Variants in TMEM132C observed in about 807,000 individuals in gnomAD.
TMEM132C encodes the protein protein phosphatase 1, regulatory subunit 152.
Under a neutral mutation model 61.4 loss-of-function variants are expected in TMEM132C, and 29 were observed. The observed-to-expected ratio is 0.47, with a 90% confidence interval of 0.35 to 0.64. TMEM132C has a LOEUF of 0.64. TMEM132C is among the 30% of genes least tolerant of loss of function. TMEM132C has a pLI of 0.00. For synonymous variants in TMEM132C, 656 were observed against 633.1 expected (o/e 1.04, Z -0.54); for missense variants, 1,408 against 1,476.9 (o/e 0.95, Z 0.76).
chr12:128,592,059 G>GAAAAAAAAAAAAAAAA (rs55727528), intron 3 of TMEM132C, among the ~76,000 whole-genome samples: 1 of 125,464 alleles, frequency 8.0e-6, no homozygotes, highest in African/African-American at 3.0e-5. Flanking sequence ...AAAAAAAAAA[G>GAAAAAAAAAAAAAAAA]AAAAAAAAAA....
At chr12:128,466,561 G>T (rs375237342) in intron 2 of TMEM132C, among the ~76,000 whole-genome samples, 5 of 152,176 alleles carry the variant, frequency 3.3e-5, no homozygotes. Context: ...GTCTCACTGT[G>T]TCTTCTGCAG....
intron 3 of TMEM132C, among the ~76,000 whole-genome samples, chr12:128,599,659 A>G (rs1333936820): frequency 5.3e-5 from 8 of 152,212 alleles, no homozygotes; most frequent in Admixed American, 5.2e-4. Context: ...GAGAAAGAGA[A>G]AAGGAAGGTT....
chr12:128,454,050 A>T (rs1870265833), intron 2 of TMEM132C, among the ~76,000 whole-genome samples: 1 of 152,136 alleles, frequency 6.6e-6, no homozygotes, highest in African/African-American at 2.4e-5. Context: ...TGAAAGGAAG[A>T]TTTATGCTTC....
chr12:128,651,568 G>A (rs532742038), intron 4 of TMEM132C, among the ~76,000 whole-genome samples: 2 of 152,206 alleles, frequency 1.3e-5, no homozygotes, highest in Non-Finnish European at 2.9e-5. Flanking sequence ...ACTGTTCCAG[G>A]CAGTGGGGGA....
chr12:128,304,308 A>C (rs989780513), intron 1 of TMEM132C, among the ~76,000 whole-genome samples: 5 of 152,144 alleles, frequency 3.3e-5, no homozygotes, highest in Non-Finnish European at 4.4e-5. Flanking sequence ...GTGTAAGTGC[A>C]TGCTCAGCTT....
chr12:128,690,733 C>T (rs1364592401), intron 5 of TMEM132C, among the ~76,000 whole-genome samples: 1 of 152,134 alleles, frequency 6.6e-6, no homozygotes, highest in African/African-American at 2.4e-5. Flanking sequence ...AGCATGTAAA[C>T]ATTTTTAAAC....
intron 1 of TMEM132C, among the ~76,000 whole-genome samples, chr12:128,405,451 T>G (rs549831505): frequency 6.6e-6 from 1 of 152,284 alleles, no homozygotes; most frequent in East Asian, 1.9e-4. Context: ...CAAAATCGCC[T>G]GTTCAACCAT....
chr12:128,619,834 G>A (rs953262262), intron 4 of TMEM132C, among the ~76,000 whole-genome samples: 1 of 152,154 alleles, frequency 6.6e-6, no homozygotes, highest in African/African-American at 2.4e-5. Context: ...AAGAAAAAAG[G>A]GTTCATATCC....
intron 1 of TMEM132C, among the ~76,000 whole-genome samples, chr12:128,310,463 A>G (rs1018366809): frequency 1.3e-5 from 2 of 152,106 alleles, no homozygotes; most frequent in Non-Finnish European, 2.9e-5. Flanking sequence ...GGAGCTTCCA[A>G]TCGTGGCAGA....
chr12:128,592,813 C>T (rs1045740502), intron 3 of TMEM132C, among the ~76,000 whole-genome samples: 2 of 152,188 alleles, frequency 1.3e-5, no homozygotes, highest in Admixed American at 6.5e-5. Context: ...CTGGCCCTGT[C>T]ATTGTCTCCA....
intron 1 of TMEM132C, among the ~76,000 whole-genome samples, chr12:128,335,813 A>G (rs1301630107): frequency 6.6e-6 from 1 of 152,188 alleles, no homozygotes; most frequent in Non-Finnish European, 1.5e-5. Flanking sequence ...AAGATCACCC[A>G]GTTAGTGAGA....
At chr12:128,658,521 T>C (rs989351446) in intron 4 of TMEM132C, among the ~76,000 whole-genome samples, 1 of 152,164 alleles carries the variant, frequency 6.6e-6, no homozygotes, top group African/African-American at 2.4e-5. Flanking sequence ...CTTTTTTTTT[T>C]TCCTGTTCAT....
intron 5 of TMEM132C, among the ~76,000 whole-genome samples, chr12:128,684,725 G>A (rs1294402470): frequency 6.6e-6 from 1 of 152,248 alleles, no homozygotes; most frequent in Non-Finnish European, 1.5e-5. Context: ...GTAAAAGGGA[G>A]GGGAAGAGCA....
chr12:128,292,701 C>A (rs76186839), intron 1 of TMEM132C, among the ~76,000 whole-genome samples: 1 of 113,958 alleles, frequency 8.8e-6, no homozygotes, highest in Non-Finnish European at 1.8e-5. Flanking sequence ...ACCTAGGTAC[C>A]TAAATTCCTA....
At chr12:128,368,244 C>T (rs1228468533) in intron 1 of TMEM132C, among the ~76,000 whole-genome samples, 1 of 152,182 alleles carries the variant, frequency 6.6e-6, no homozygotes, top group African/African-American at 2.4e-5. Flanking sequence ...CTAATTTGTC[C>T]CCGCTGCTCT....
At chr12:128,698,676 A>G (rs1179639340) in intron 8 of TMEM132C, among the ~76,000 whole-genome samples, 2 of 152,260 alleles carry the variant, frequency 1.3e-5, no homozygotes, top group Non-Finnish European at 2.9e-5. Flanking sequence ...GTGAAAGCAC[A>G]CAGAGCCTTG....
intron 3 of TMEM132C, among the ~76,000 whole-genome samples, chr12:128,551,487 C>A (rs1036092027): frequency 2.0e-5 from 3 of 152,156 alleles, no homozygotes; most frequent in African/African-American, 2.4e-5. Flanking sequence ...CTGAGCATCT[C>A]GGCAGTCAGG....
chr12:128,402,000 T>TG (rs1033013112), intron 1 of TMEM132C, among the ~76,000 whole-genome samples: 2 of 152,080 alleles, frequency 1.3e-5, no homozygotes, highest in Admixed American at 6.5e-5. Context: ...GCTCTTGAGA[T>TG]GGGGGGACTA....
intron 2 of TMEM132C, among the ~76,000 whole-genome samples, chr12:128,483,055 G>A (rs1005176620): frequency 6.6e-6 from 1 of 151,482 alleles, no homozygotes; most frequent in Non-Finnish European, 1.5e-5. Context: ...GCAGGAGTTG[G>A]AGACCAGTCT....
Sources: allele counts gnomAD v4.1 joint callset (sites outside exome capture counted in the v4.1 genomes callset), GRCh38; gene constraint gnomAD v4.1.1; transcripts MANE v1.5; gene names NCBI Gene and HGNC (gene_info 2026-07-23, HGNC 2026-07-21).